Variants in ARID2 observed in about 807,000 individuals in gnomAD.
ARID2 encodes AT-rich interactive domain-containing protein 2.
Under a neutral mutation model 184.6 loss-of-function variants are expected in ARID2, and 32 were observed. The ratio of observed to expected loss-of-function variants is 0.17; its 90% CI spans 0.13 to 0.23. The LOEUF is 0.23. ARID2 is among the 10% of genes least tolerant of loss of function. The pLI is 1.00. For synonymous variants in ARID2, 836 were observed against 772.6 expected (o/e 1.08, Z -1.36); for missense variants, 1,696 against 2,197.6 (o/e 0.77, Z 4.56).
chr12:45,899,647 ATT>A (rs1491415540), intron 20 of ARID2, among the ~76,000 whole-genome samples: 31 of 79,132 alleles, frequency 3.9e-4, no homozygotes, highest in African/African-American at 1.3e-3. Context: ...ATATATATAT[ATT>A]TGGTTATATA....
chr12:45,748,096 T>C (rs1323369436), intron 3 of ARID2, among the ~76,000 whole-genome samples: 1 of 152,180 alleles, frequency 6.6e-6, no homozygotes, highest in Non-Finnish European at 1.5e-5. Flanking sequence ...GTGTGGTGGC[T>C]CAACGCCTGT....
chr12:45,838,387 T>C (rs541373694), intron 10 of ARID2, among the ~76,000 whole-genome samples: 1 of 152,230 alleles, frequency 6.6e-6, no homozygotes, highest in Non-Finnish European at 1.5e-5. Context: ...AAACTGTTCT[T>C]ATTGAGAAGT....
At chr12:45,866,665 T>A (rs1403663365) in intron 16 of ARID2, among the ~76,000 whole-genome samples, 2 of 152,214 alleles carry the variant, frequency 1.3e-5, no homozygotes, top group Admixed American at 6.5e-5. Context: ...CTGTCAATTT[T>A]TATTCTTTTG....
intron 3 of ARID2, among the ~76,000 whole-genome samples, chr12:45,800,707 A>T (rs1942482192): frequency 6.6e-6 from 1 of 152,118 alleles, no homozygotes; most frequent in African/African-American, 2.4e-5. Context: ...GGAAAATACG[A>T]GATAAGCCTG....
rs79909958 is a variant in ARID2, at chr12:45,793,321, A to T, written c.285-18097A>T. 1.2e-3 allele frequency among the ~76,000 whole-genome samples: 180 copies of T among 145,692 alleles called. 1 individual carries two copies. Among genetic ancestry groups the T allele is most frequent in the African/African-American group, 4.6e-3 (174 of 37,720 alleles). On this transcript the variant is annotated intron_variant, in intron 3 of 20. Coordinates refer to ENST00000334344, the MANE Select transcript of ARID2 (RefSeq NM_152641.4). The stretch of plus-strand genomic sequence containing the variant: ...ATTAAAAAAAAAAGACTTATTTTGT[A>T]TTTTTATCTCTCTGCTTTTTAATAC...
chr12:45,824,197 C>T (rs1271378025), intron 6 of ARID2, among the ~76,000 whole-genome samples: 2 of 152,092 alleles, frequency 1.3e-5, no homozygotes, highest in Non-Finnish European at 2.9e-5. Flanking sequence ...GTAGATTTGT[C>T]ATACGTGGCT....
chr12:45,870,590 T>A (rs1266709634), intron 16 of ARID2, among the ~76,000 whole-genome samples: 2 of 152,176 alleles, frequency 1.3e-5, no homozygotes, highest in African/African-American at 2.4e-5. Context: ...TCCATTTTGC[T>A]TTACCTATTT....
intron 3 of ARID2, among the ~76,000 whole-genome samples, chr12:45,769,440 C>T (rs965772314): frequency 2.0e-5 from 3 of 152,074 alleles, no homozygotes; most frequent in African/African-American, 7.2e-5. Flanking sequence ...CAGATTTGTA[C>T]TGGCAGAAGA....
In ARID2 at chr12:45,852,276, G is replaced by A. The variant is rs781522138; in HGVS notation, c.4153G>A (p.Val1385Ile). The change falls in exon 15 of 21, where the codon GTA becomes ATA. Residue 1385 changes from valine to isoleucine, a missense_variant. Coordinates refer to ENST00000334344, the MANE Select transcript of ARID2 (RefSeq NM_152641.4). Reference sequence around the variant, plus strand: ...TCCAAATCATAAAACTTCCAATCATGTAGGAAATGGTGAGATATCTCCAAT... The same window carrying A: ...TCCAAATCATAAAACTTCCAATCATATAGGAAATGGTGAGATATCTCCAAT... ...NIPNHKTSNHVGNGEISPMEP... is the reference protein window; with the variant it reads ...NIPNHKTSNHIGNGEISPMEP... 5.3e-5 allele frequency: 86 copies of A among 1,614,030 alleles called. No homozygotes were observed. The highest frequency in any genetic ancestry group is 7.2e-5 in the Non-Finnish European group (85 of 1,180,018).
chr12:45,758,377 AT>A (rs539762261), intron 3 of ARID2, among the ~76,000 whole-genome samples: 124 of 148,200 alleles, frequency 8.4e-4, no homozygotes, highest in Non-Finnish European at 1.1e-3. Context: ...TGTGCGATCG[AT>A]TTTTTTTTTG....
rs890482378 is a variant in ARID2, at chr12:45,766,399, C to T, written c.284+35085C>T. 3.3e-5 allele frequency among the ~76,000 whole-genome samples: 5 copies of T among 151,998 alleles called. No individual in the cohort carries two copies. The East Asian group carries it at 9.7e-4, about 29-fold the overall frequency. ...GCCGAGCTGGTCTTGAACTCCTGAC[C>T]TCAAGTGATCTGCCTGCCTTGGCCT... On this transcript the variant is annotated intron_variant, in intron 3 of 20. Transcript: ENST00000334344.
rs565827588 is a variant in ARID2, at chr12:45,783,195, A to C, written c.285-28223A>C. Among the ~76,000 whole-genome samples, 61 of 152,278 alleles carry C rather than the reference A, an allele frequency of 4.0e-4. 1 individual carries two copies. The South Asian group carries it at 0.012, about 29-fold the overall frequency. ...AAAAAAATCCAAAGCTTAGAAAAGGATGGAAAGTAGTCTGATTAATTTTGT... is the reference window on the plus strand; with the variant it reads ...AAAAAAATCCAAAGCTTAGAAAAGGCTGGAAAGTAGTCTGATTAATTTTGT... On this transcript the variant is annotated intron_variant, in intron 3 of 20. Coordinates refer to ENST00000334344, the MANE Select transcript of ARID2 (RefSeq NM_152641.4).
intron 3 of ARID2, among the ~76,000 whole-genome samples, chr12:45,782,094 A>G (rs184346168): frequency 1.8e-4 from 28 of 152,208 alleles, no homozygotes; most frequent in Non-Finnish European, 3.2e-4. Context: ...GTTTTTTTTA[A>G]AAAAGAGAGT....
chr12:45,745,989 G>GT (rs913166910), intron 3 of ARID2, among the ~76,000 whole-genome samples: 1,413 of 140,724 alleles, frequency 0.01, 8 homozygotes, highest in African/African-American at 0.028. Flanking sequence ...TTTGATAGTT[G>GT]TTTTTTTTTT....
chr12:45,877,115 T>C (rs1233083085), intron 16 of ARID2, among the ~76,000 whole-genome samples: 1 of 151,294 alleles, frequency 6.6e-6, no homozygotes, highest in African/African-American at 2.4e-5. Context: ...AAAAAAGTAT[T>C]TGCAAAGCAT....
Position 45,850,065 on chromosome 12 carries a change from A to G in ARID2, c.1942A>G (p.Asn648Asp). Residue 648 changes from asparagine (N) to aspartate (D), a missense_variant, in exon 15 of 21, where the codon AAC (asparagine) becomes GAC (aspartate). This residue lies in a region of ARID2 where 713 missense variants were observed against 824.4 expected (regional missense o/e 0.86). Coordinates refer to ENST00000334344, the MANE Select transcript of ARID2 (RefSeq NM_152641.4). ...GIPHGSQTIG[N>D]HFQRTPVANQ... ...CCCTCATGGATCACAAACCATAGGAAACCATTTTCAGAGGACTCCTGTTGC... is the reference window on the plus strand; with the variant it reads ...CCCTCATGGATCACAAACCATAGGAGACCATTTTCAGAGGACTCCTGTTGC... 6.2e-7 allele frequency: 1 copy of G among 1,613,736 alleles called. No homozygotes were observed. Among genetic ancestry groups the G allele is most frequent in the Non-Finnish European group, 8.5e-7 (1 of 1,179,756 alleles).
chr12:45,815,857 CATT>C (rs1942795379), intron 4 of ARID2, among the ~76,000 whole-genome samples: 1 of 152,088 alleles, frequency 6.6e-6, no homozygotes, highest in African/African-American at 2.4e-5. Flanking sequence ...GACAGCATCT[CATT>C]ATATTGCACA....
intron 16 of ARID2, among the ~76,000 whole-genome samples, chr12:45,865,194 AT>A (rs1162023865): frequency 3.3e-5 from 5 of 152,108 alleles, no homozygotes; most frequent in Non-Finnish European, 1.5e-5. Context: ...GATTCTTGGA[AT>A]TTAGATTAAG....
chr12:45,774,901 A>G (rs1025122209), intron 3 of ARID2, among the ~76,000 whole-genome samples: 8 of 152,196 alleles, frequency 5.3e-5, no homozygotes, highest in Non-Finnish European at 1.2e-4. Context: ...GTAGTTCTCC[A>G]TAAGGGGTAG....
Sources: gnomAD v4.1 joint callset for allele counts (sites outside exome capture counted in the v4.1 genomes callset) on GRCh38, gnomAD v4.1.1 for gene constraint, gnomAD v4.1.1 regional missense constraint, MANE v1.5 for transcripts, NCBI Gene and HGNC (gene_info 2026-07-23, HGNC 2026-07-21) for gene names.